The following PCDHA11 variants were observed in gnomAD, a reference collection of about 807,000 sequenced individuals.
PCDHA11 encodes protocadherin alpha-11.
A neutral mutation model predicts 70.3 loss-of-function variants in PCDHA11; 61 were observed. The observed-to-expected ratio is 0.87, with a 90% CI of 0.71 to 1.07. PCDHA11 has a LOEUF of 1.07. PCDHA11 is among the 50% of genes least tolerant of loss of function. The probability of loss-of-function intolerance (pLI) is 0.00; values close to 1 mark genes in which losing one functional copy is unlikely to be tolerated. For missense variants in PCDHA11, 1,324 were observed against 1,237.5 expected (o/e 1.07, Z -1.05); for synonymous variants, 633 against 555.1 (o/e 1.14, Z -1.97).
In PCDHA11 at chr5:140,882,044, C is replaced by T. The variant is rs539916085; in HGVS notation, c.2391+10550C>T. The T allele has an allele frequency of 5.7e-6, 4 of 702,876 alleles. No individual in the cohort carries two copies. In the East Asian group the frequency reaches 1.1e-4, roughly 20 times the overall value. The allele number at this position is 702,876 out of a possible 1,614,324, so 43.5% of individuals were successfully genotyped here. Reference sequence around the variant, plus strand: ...TCAATGGAAAATATGAAGACTGAGTCATACTTACACTTACACGTTCATGCG... The same window carrying T: ...TCAATGGAAAATATGAAGACTGAGTTATACTTACACTTACACGTTCATGCG... On this transcript the variant is annotated intron_variant, in intron 1 of 3. Transcript: ENST00000398640.
intron 3 of PCDHA11, among the ~76,000 whole-genome samples, chr5:140,983,419 A>G (rs1209385386): frequency 5.3e-5 from 8 of 152,210 alleles, no homozygotes; most frequent in Non-Finnish European, 1.2e-4. Flanking sequence ...GTGTTGGTAG[A>G]GACCACAAAT....
intron 1 of PCDHA11, chr5:140,883,291 A>G: frequency 6.2e-7 from 1 of 1,614,118 alleles, no homozygotes; most frequent in Non-Finnish European, 8.5e-7. Flanking sequence ...TGGAAGTACT[A>G]GATGTAAATG....
chr5:140,967,645 G>A lies in PCDHA11; in HGVS notation c.2392-11304G>A, dbSNP rs782043521. ...ATGAGGGCTCCAATGGTGAGCTCAG[G>A]TACTCCTTGAGCAGCTACACGTCGG... On this transcript the variant is annotated intron_variant, in intron 1 of 3. Transcript: ENST00000398640. 1.9e-5 allele frequency: 30 copies of A among 1,614,144 alleles called. 1 individual carries two copies. In the South Asian group the frequency reaches 3.2e-4, roughly 17 times the overall value.
At chr5:140,958,397 A>T (rs1306610051) in intron 1 of PCDHA11, among the ~76,000 whole-genome samples, 3 of 152,172 alleles carry the variant, frequency 2.0e-5, no homozygotes, top group African/African-American at 7.2e-5. Flanking sequence ...GTCATCAAAC[A>T]TTATCACTGA....
At chr5:140,984,980 C>T (rs1206801991) in intron 3 of PCDHA11, among the ~76,000 whole-genome samples, 1 of 152,092 alleles carries the variant, frequency 6.6e-6, no homozygotes, top group African/African-American at 2.4e-5. Context: ...CTCTGTCCCC[C>T]AGGCTGGAGT....
chr5:140,993,530 AG>A (rs2097570679), intron 3 of PCDHA11, among the ~76,000 whole-genome samples: 7 of 152,044 alleles, frequency 4.6e-5, no homozygotes, highest in African/African-American at 1.7e-4. Context: ...AGACAGAGAG[AG>A]AGAGAGATAG....
intron 1 of PCDHA11, among the ~76,000 whole-genome samples, chr5:140,888,497 A>C (rs2061848830): frequency 6.6e-6 from 1 of 152,250 alleles, no homozygotes; most frequent in Non-Finnish European, 1.5e-5. Flanking sequence ...ACTCTGCTTT[A>C]AAGAGTCTTG....
intron 1 of PCDHA11, among the ~76,000 whole-genome samples, chr5:140,894,197 A>G (rs1378272032): frequency 6.6e-6 from 1 of 152,008 alleles, no homozygotes; most frequent in Admixed American, 6.6e-5. Context: ...TATTTTTTCT[A>G]TGCTATTATA....
In PCDHA11 at chr5:140,967,673, C is replaced by T. The variant is rs1563368144; in HGVS notation, c.2392-11276C>T. On this transcript the variant is annotated intron_variant, in intron 1 of 3. Transcript: ENST00000398640. ...CTCCTTGAGCAGCTACACGTCGGAC[C>T]GGGAGAGGCAGCTCTTCAGCATAGA... The T allele has an allele frequency of 2.5e-6, 4 of 1,614,130 alleles. No homozygotes were observed. In the East Asian group the frequency reaches 6.7e-5, roughly 27 times the overall value.
Position 141,002,117 on chromosome 5 carries a change from C to T in PCDHA11, c.2540-7510C>T, listed in dbSNP as rs74680186. Among the ~76,000 whole-genome samples, 37 of 152,378 alleles carry T rather than the reference C, an allele frequency of 2.4e-4. 1 individual carries two copies. The East Asian group carries it at 6.0e-3, about 25-fold the overall frequency. ...GGGCTGGGCCGGAAACGGCTATAAT[C>T]ATTTAATAGCCTTTGCCGGCTGCAC... On this transcript the variant is annotated intron_variant, in intron 3 of 3. Transcript: ENST00000398640.
chr5:140,981,612 T>C (rs2096940396), intron 2 of PCDHA11, among the ~76,000 whole-genome samples: 1 of 152,110 alleles, frequency 6.6e-6, no homozygotes, highest in Non-Finnish European at 1.5e-5. Context: ...CCTCTAATTT[T>C]GATGAGGGTT....
At chr5:140,966,246 G>T (rs184430396) in intron 1 of PCDHA11, 5 of 319,412 alleles carry the variant, frequency 1.6e-5, no homozygotes, top group African/African-American at 6.4e-5. Flanking sequence ...TTAAGCAGGG[G>T]AGAGACGGTG....
intron 1 of PCDHA11, among the ~76,000 whole-genome samples, chr5:140,970,591 T>G (rs1159349152): frequency 2.6e-5 from 4 of 152,150 alleles, no homozygotes; most frequent in African/African-American, 9.7e-5. Flanking sequence ...GAGATATGCT[T>G]TGTGATACTT....
Position 141,009,742 on chromosome 5 carries a change from C to A in PCDHA11, c.2655C>A (p.Asp885Glu). 6.2e-7 allele frequency: 1 copy of A among 1,614,160 alleles called. No individual in the cohort carries two copies. Among genetic ancestry groups the A allele is most frequent in the Non-Finnish European group, 8.5e-7 (1 of 1,180,038 alleles). The part of the protein sequence containing the change: ...PKQSGPGELP[D>E]KFIIPGSPAI... ...AATCCGGTCCCGGTGAGTTGCCCGA[C>A]AAATTCATTATCCCAGGATCTCCTG... is the stretch of plus-strand genomic sequence containing the variant. The change falls in exon 4 of 4, where the codon GAC becomes GAA. Residue 885 changes from aspartate to glutamate, a missense_variant. By Grantham distance (45) the Asp-to-Glu change is conservative. Coordinates refer to ENST00000398640, the MANE Select transcript of PCDHA11 (RefSeq NM_018902.5).
At chr5:140,888,128 T>C (rs1365856723) in intron 1 of PCDHA11, among the ~76,000 whole-genome samples, 1 of 152,248 alleles carries the variant, frequency 6.6e-6, no homozygotes, top group Non-Finnish European at 1.5e-5. Flanking sequence ...TCTATGGATA[T>C]ATTTTCTTGC....
chr5:140,951,959 A>C (rs2094664205), intron 1 of PCDHA11, among the ~76,000 whole-genome samples: 1 of 152,202 alleles, frequency 6.6e-6, no homozygotes, highest in Admixed American at 6.5e-5. Context: ...GGCATTGGGT[A>C]AATACTCCTG....
chr5:141,010,105 G>A lies in PCDHA11; in HGVS notation c.*168G>A. 6.2e-7 allele frequency: 1 copy of A among 1,612,150 alleles called. No homozygotes were observed. Among genetic ancestry groups the A allele is most frequent in the African/African-American group, 1.3e-5 (1 of 74,962 alleles). The stretch of plus-strand genomic sequence containing the variant: ...GTCTAGAACGCATTTAACAGGTTTT[G>A]TCGTAAAAGCTTTACTAAGTCTGGT... On this transcript the variant is annotated 3_prime_UTR_variant, in exon 4 of 4. Transcript: ENST00000398640.
At chr5:140,979,836 T>C (rs1463731318) in intron 2 of PCDHA11, among the ~76,000 whole-genome samples, 2 of 152,216 alleles carry the variant, frequency 1.3e-5, no homozygotes, top group Non-Finnish European at 2.9e-5. Flanking sequence ...GAAGAAATAA[T>C]CTTCAAACTT....
At chr5:140,953,810 C>T (rs918101590) in intron 1 of PCDHA11, among the ~76,000 whole-genome samples, 5 of 152,190 alleles carry the variant, frequency 3.3e-5, no homozygotes, top group South Asian at 2.1e-4. Context: ...TTCTGAGGTG[C>T]ATGTGCTAGT....
Sources: allele counts gnomAD v4.1 joint callset (sites outside exome capture counted in the v4.1 genomes callset), GRCh38; gene constraint gnomAD v4.1.1; transcripts MANE v1.5; gene names NCBI Gene and HGNC (gene_info 2026-07-23, HGNC 2026-07-21).